Variants in NPAS3 observed in about 807,000 individuals in gnomAD.
NPAS3 encodes the protein neuronal PAS domain protein 3, also known as neuronal PAS domain-containing protein 3.
In NPAS3, 14 loss-of-function variants were observed where a neutral mutation model predicts 73.1. The observed-to-expected ratio is 0.19, with a 90% confidence interval of 0.13 to 0.30. The LOEUF (loss-of-function observed/expected upper bound fraction) is 0.30. NPAS3 is among the 10% of genes least tolerant of loss of function. The probability of loss-of-function intolerance (pLI) is 1.00; values close to 1 mark genes in which losing one functional copy is unlikely to be tolerated. For missense variants in NPAS3, 1,096 were observed against 1,250.0 expected (o/e 0.88, Z 1.86); for synonymous variants, 620 against 541.5 (o/e 1.14, Z -2.01).
intron 6 of NPAS3, among the ~76,000 whole-genome samples, chr14:33,702,053 A>C (rs534461715): frequency 6.6e-6 from 1 of 152,354 alleles, no homozygotes; most frequent in South Asian, 2.1e-4. Flanking sequence ...GCAAGATAAA[A>C]ACTGGAGAAC....
At position 33,363,212 on chromosome 14, in the gene NPAS3, G is replaced by A. The variant is rs79676306; in HGVS notation, c.386-3974G>A. Among the ~76,000 whole-genome samples the A allele has an allele frequency of 1.1e-4, 16 of 152,250 alleles. No homozygotes were observed. The East Asian group carries it at 3.1e-3, about 29-fold the overall frequency. On this transcript the variant is annotated intron_variant, in intron 3 of 11. Transcript: ENST00000356141. ...TGCCTCCCCTGAGGTGAGGAGCACT[G>A]GTTAGGAATATGACTGGGAGGGCCT... is the stretch of plus-strand genomic sequence containing the variant.
At chr14:33,249,907 T>TACAC (rs369565240) in intron 3 of NPAS3, among the ~76,000 whole-genome samples, 5,401 of 146,964 alleles carry the variant, frequency 0.037, 147 homozygotes, top group East Asian at 0.11. Flanking sequence ...AAATCTGTCA[T>TACAC]ACACACACAC....
chr14:33,407,837 T>A (rs968771439), intron 4 of NPAS3, among the ~76,000 whole-genome samples: 1 of 152,156 alleles, frequency 6.6e-6, no homozygotes, highest in Non-Finnish European at 1.5e-5. Context: ...AATGAACACT[T>A]TACCATGTTT....
At chr14:33,527,441 G>A (rs1349333429) in intron 4 of NPAS3, among the ~76,000 whole-genome samples, 1 of 152,082 alleles carries the variant, frequency 6.6e-6, no homozygotes, top group African/African-American at 2.4e-5. Context: ...AAAATAAGAT[G>A]TTATCTCTGT....
At chr14:33,773,895 T>C (rs1366245099) in intron 7 of NPAS3, among the ~76,000 whole-genome samples, 1 of 152,178 alleles carries the variant, frequency 6.6e-6, no homozygotes, top group Non-Finnish European at 1.5e-5. Context: ...TATCAACCCC[T>C]GAACGAAGGA....
At chr14:33,440,337 G>A (rs117814009) in intron 4 of NPAS3, among the ~76,000 whole-genome samples, 1,575 of 152,126 alleles carry the variant, frequency 0.01, 16 homozygotes, top group Non-Finnish European at 0.013. Flanking sequence ...GTGGTCTCAA[G>A]CCTGGTGAGG....
intron 5 of NPAS3, among the ~76,000 whole-genome samples, chr14:33,672,404 G>A (rs752495774): frequency 1.3e-5 from 2 of 151,878 alleles, no homozygotes; most frequent in African/African-American, 2.4e-5. Context: ...GCAAATATCC[G>A]TTCTTTATTC....
chr14:33,793,581 A>G (rs1220825406), intron 9 of NPAS3, among the ~76,000 whole-genome samples: 1 of 152,240 alleles, frequency 6.6e-6, no homozygotes, highest in Non-Finnish European at 1.5e-5. Flanking sequence ...ATCCATTGAC[A>G]ATATCCACAC....
At chr14:33,480,910 A>C (rs1245657477) in intron 4 of NPAS3, among the ~76,000 whole-genome samples, 1 of 152,034 alleles carries the variant, frequency 6.6e-6, no homozygotes, top group African/African-American at 2.4e-5. Context: ...CATAAGGATG[A>C]GCAACAGCAT....
chr14:33,201,054 A>G (rs1462390989), intron 2 of NPAS3, among the ~76,000 whole-genome samples: 2 of 152,348 alleles, frequency 1.3e-5, no homozygotes, highest in East Asian at 3.9e-4. Flanking sequence ...TATGAATTTT[A>G]TGAGATGAGA....
chr14:33,703,377 C>T (rs2060573917), intron 6 of NPAS3, among the ~76,000 whole-genome samples: 1 of 151,972 alleles, frequency 6.6e-6, no homozygotes, highest in Non-Finnish European at 1.5e-5. Flanking sequence ...ACCTATAGTC[C>T]CAGACACTTG....
chr14:33,593,754 CCTTA>C (rs774310629), intron 5 of NPAS3, among the ~76,000 whole-genome samples: 65 of 152,286 alleles, frequency 4.3e-4, no homozygotes, highest in Middle Eastern at 6.8e-3. Flanking sequence ...TATTAGGAGT[CCTTA>C]CTTTTACCCT....
At chr14:33,735,743 G>T (rs899396377) in intron 7 of NPAS3, among the ~76,000 whole-genome samples, 4 of 150,244 alleles carry the variant, frequency 2.7e-5, no homozygotes, top group South Asian at 2.1e-4. Flanking sequence ...AAGGCTGTCC[G>T]TTTTAATAAC....
At chr14:32,958,742 C>T (rs1256531663) in intron 1 of NPAS3, among the ~76,000 whole-genome samples, 1 of 152,140 alleles carries the variant, frequency 6.6e-6, no homozygotes, top group East Asian at 1.9e-4. Context: ...CTGAATTATA[C>T]AATATTTAGC....
chr14:33,555,880 A>ATTG (rs1334314685), intron 4 of NPAS3, among the ~76,000 whole-genome samples: 3 of 121,108 alleles, frequency 2.5e-5, no homozygotes, highest in Non-Finnish European at 5.2e-5. Flanking sequence ...AAATTAACCA[A>ATTG]TTGTTGTTGG....
chr14:33,763,423 G>A (rs2140840445), intron 7 of NPAS3, among the ~76,000 whole-genome samples: 1 of 152,320 alleles, frequency 6.6e-6, no homozygotes, highest in Middle Eastern at 3.4e-3. Flanking sequence ...AGCAAAGAGT[G>A]TAAACTAAGA....
At chr14:33,560,423 C>A in intron 5 of NPAS3, 1 of 424,074 alleles carries the variant, frequency 2.4e-6, no homozygotes, top group Non-Finnish European at 4.2e-6. Flanking sequence ...TAGTTCCGCT[C>A]CCCACCCCCC....
intron 2 of NPAS3, among the ~76,000 whole-genome samples, chr14:33,070,033 C>A (rs1452771025): frequency 6.6e-6 from 1 of 152,122 alleles, no homozygotes; most frequent in Non-Finnish European, 1.5e-5. Context: ...GCATTTAAAT[C>A]TCTAACACAT....
chr14:33,437,539 C>G (rs1369150615), intron 4 of NPAS3, among the ~76,000 whole-genome samples: 1 of 152,044 alleles, frequency 6.6e-6, no homozygotes, highest in Admixed American at 6.6e-5. Flanking sequence ...ATAGAGTGGC[C>G]TTTAATCTTC....
Sources: gnomAD v4.1 joint callset for allele counts (sites outside exome capture counted in the v4.1 genomes callset) on GRCh38, gnomAD v4.1.1 for gene constraint, MANE v1.5 for transcripts, NCBI Gene and HGNC (gene_info 2026-07-23, HGNC 2026-07-21) for gene names.